Variants in CACNA1C observed in about 807,000 individuals in gnomAD.
CACNA1C encodes voltage-dependent L-type calcium channel subunit alpha-1C.
In CACNA1C, 30 loss-of-function variants were observed where a neutral mutation model predicts 229.0. That is an observed-to-expected ratio of 0.13 (90% CI 0.10 to 0.18). CACNA1C has a LOEUF of 0.18. Among genes scored for constraint, CACNA1C ranks in the 10% least tolerant of loss-of-function variants. The pLI, the probability that CACNA1C is intolerant of heterozygous loss-of-function variation, is 1.00. For missense variants in CACNA1C, 1,658 were observed against 2,845.0 expected (o/e 0.58, Z 9.49); for synonymous variants, 1,114 against 1,132.5 (o/e 0.98, Z 0.33).
intron 8 of CACNA1C, among the ~76,000 whole-genome samples, 177 bp downstream of exon 8, chr12:2,505,122 G>A (rs1682434232): frequency 6.6e-6 from 1 of 152,036 alleles, no homozygotes; most frequent in Non-Finnish European, 1.5e-5. Flanking sequence ...TGTGCCACTG[G>A]TCTTGGTGGT....
At position 2,054,082 on chromosome 12, in the gene CACNA1C, G is replaced by T. The variant is rs2053518061; in HGVS notation, c.49+471G>T. On this transcript the variant is annotated intron_variant, in intron 1 of 46. Coordinates refer to ENST00000399655, the MANE Select transcript of CACNA1C (RefSeq NM_000719.7). This position sits in a 1 kb window ranked among gnomAD's most constrained non-coding sequence, Gnocchi z 5.5. ...TGCGCCGGCAGAGCCCGGCGCCCAC[G>T]GCCGCCCCTGGGGCGCCCTCGCGCT... is the stretch of plus-strand genomic sequence containing the variant. Among the ~76,000 whole-genome samples, 2 of 148,518 alleles carry T rather than the reference G, an allele frequency of 1.3e-5. No homozygotes were observed. Among genetic ancestry groups the T allele is most frequent in the African/African-American group, 4.9e-5 (2 of 41,002 alleles).
intron 3 of CACNA1C, among the ~76,000 whole-genome samples, chr12:2,231,473 C>T (rs1233381248): frequency 1.3e-5 from 2 of 152,132 alleles, no homozygotes; most frequent in Non-Finnish European, 2.9e-5. Context: ...TTTCGTCTTC[C>T]TGCTAACCCT....
At chr12:2,151,589 G>A (rs966491829) in intron 3 of CACNA1C, among the ~76,000 whole-genome samples, 4 of 152,176 alleles carry the variant, frequency 2.6e-5, no homozygotes, top group Admixed American at 6.5e-5. Context: ...GGCTGGGTAC[G>A]TCTCAGAGAA....
chr12:2,595,901 C>G lies in CACNA1C; in HGVS notation c.2691C>G (p.Val897=), dbSNP rs1323209126. 2 of 1,613,734 alleles carry G rather than the reference C, an allele frequency of 1.2e-6. No homozygotes were observed. Among genetic ancestry groups the G allele is most frequent in the Non-Finnish European group, 1.7e-6 (2 of 1,179,814 alleles). ...TTCGCCTCCAGTGCCACCGCATTGT[C>G]AATGACACGATCTTCACCAACCTGA... ...NRFRLQCHRI[V]NDTIFTNLIL... The change falls in exon 20 of 47, where the codon GTC becomes GTG. Residue 897 remains valine (V), a synonymous_variant. Transcript: ENST00000399655. This position sits in a 1 kb window ranked among gnomAD's most constrained non-coding sequence, Gnocchi z 4.1.
intron 3 of CACNA1C, among the ~76,000 whole-genome samples, chr12:2,440,211 A>G (rs1431080228): frequency 6.6e-6 from 1 of 152,184 alleles, no homozygotes; most frequent in Non-Finnish European, 1.5e-5. Flanking sequence ...TTGTGCAACC[A>G]TCACCACCAT....
At chr12:2,227,131 C>T (rs1011964815) in intron 3 of CACNA1C, among the ~76,000 whole-genome samples, 3 of 152,194 alleles carry the variant, frequency 2.0e-5, no homozygotes, top group African/African-American at 4.8e-5. Flanking sequence ...TAGCTATTCC[C>T]CTCCTCTCTG....
At chr12:1,973,334 G>A (rs2154459176) in intron 1 of CACNA1C, among the ~76,000 whole-genome samples, 1 of 152,114 alleles carries the variant, frequency 6.6e-6, no homozygotes, top group South Asian at 2.1e-4. Context: ...TGAACATTTT[G>A]GGGGAAACAG....
At chr12:2,571,518 C>A (rs1004211670) in intron 13 of CACNA1C, among the ~76,000 whole-genome samples, 2 of 152,148 alleles carry the variant, frequency 1.3e-5, no homozygotes, top group Non-Finnish European at 2.9e-5. Context: ...GTTATGACAT[C>A]TTGAAAAGAT....
Position 2,695,309 on chromosome 12 carries a change from T to C in CACNA1C, c.*4110T>C, listed in dbSNP as rs1279697266. 1 of 152,258 alleles carries C rather than the reference T, an allele frequency of 6.6e-6. No homozygotes were observed. Among genetic ancestry groups the C allele is most frequent in the African/African-American group, 2.4e-5 (1 of 41,450 alleles). The allele number at this position is 152,258 out of a possible 1,614,324, so 9.4% of individuals were successfully genotyped here. ...GAGCCGCTGACATCTCAAGGATCTA[T>C]TTGGGAAGGTGAGAAGAGTACTCAT... On this transcript the variant is annotated 3_prime_UTR_variant, in exon 47 of 47. Coordinates refer to ENST00000399655, the MANE Select transcript of CACNA1C (RefSeq NM_000719.7).
intron 5 of CACNA1C, among the ~76,000 whole-genome samples, chr12:2,459,821 G>A (rs1477701704): frequency 6.6e-6 from 1 of 152,150 alleles, no homozygotes; most frequent in African/African-American, 2.4e-5. Context: ...AAGCGAAATG[G>A]ACACAATGAC....
intron 3 of CACNA1C, among the ~76,000 whole-genome samples, chr12:2,283,315 A>T (rs1417517485): frequency 6.6e-6 from 1 of 152,214 alleles, no homozygotes; most frequent in African/African-American, 2.4e-5. Flanking sequence ...AAAGTATCTT[A>T]CCTTTTTCAG....
At position 2,107,846 on chromosome 12, in the gene CACNA1C, A is replaced by T. The variant is rs544607969; in HGVS notation, c.50-7378A>T. Among the ~76,000 whole-genome samples, 5 of 152,208 alleles carry T rather than the reference A, an allele frequency of 3.3e-5. No homozygotes were observed. In the South Asian group the frequency reaches 8.3e-4, roughly 25 times the overall value. ...TTTTGAATTCAGTGCTCTGCTCGTTATCTTCCCCACTTCTCACATTTCTTT... is the reference window on the plus strand; with the variant it reads ...TTTTGAATTCAGTGCTCTGCTCGTTTTCTTCCCCACTTCTCACATTTCTTT... On this transcript the variant is annotated intron_variant, in intron 1 of 46. Transcript: ENST00000399655.
chr12:2,233,760 C>T (rs1232081084), intron 3 of CACNA1C, among the ~76,000 whole-genome samples: 2 of 152,204 alleles, frequency 1.3e-5, no homozygotes, highest in Admixed American at 6.5e-5. Flanking sequence ...AACCAATACT[C>T]TCTGGTCAGT....
rs1555115765 is a variant in CACNA1C, at chr12:2,071,172, C to CCCTCCCTTCCTT, written c.49+17564_49+17565insCCCTTCCTTCCT. Reference sequence around the variant, plus strand: ...TCCCTCCCTCCCTCCCTCCCTCCCTCCCTGCCTGCCTGCCTGCCTGCCTGC... The same window carrying CCCTCCCTTCCTT: ...TCCCTCCCTCCCTCCCTCCCTCCCTCCCTCCCTTCCTTCCTGCCTGCCTGCCTGCCTGCCTGC... On this transcript the variant is annotated intron_variant, in intron 1 of 46. Transcript: ENST00000399655. Among the ~76,000 whole-genome samples, 32 of 16,040 alleles carry CCCTCCCTTCCTT rather than the reference C, an allele frequency of 2.0e-3. 3 individuals are homozygous for CCCTCCCTTCCTT. The highest frequency in any genetic ancestry group is 0.012 in the African/African-American group (31 of 2,578). The allele number at this position is 16,040 out of a possible 152,430, so 10.5% of individuals were successfully genotyped here.
At chr12:2,682,911 CAT>C (rs2097247521) in intron 43 of CACNA1C, among the ~76,000 whole-genome samples, 1 of 46,964 alleles carries the variant, frequency 2.1e-5, no homozygotes, top group African/African-American at 8.0e-5. Context: ...ACAACACACA[CAT>C]ACACGATGCC....
intron 3 of CACNA1C, among the ~76,000 whole-genome samples, chr12:2,145,680 T>C (rs898522868): frequency 6.6e-6 from 1 of 151,280 alleles, no homozygotes; most frequent in Non-Finnish European, 1.5e-5. Flanking sequence ...TCCGTGGGCT[T>C]GTGAGGAAAA....
intron 1 of CACNA1C, chr12:1,993,163 C>T (rs2039900329): frequency 1.3e-6 from 2 of 1,502,602 alleles, no homozygotes; most frequent in Admixed American, 1.7e-5. Flanking sequence ...CCCCCATAGC[C>T]ACTGATACCA....
At chr12:2,459,582 G>T (rs984450569) in intron 5 of CACNA1C, among the ~76,000 whole-genome samples, 1 of 152,172 alleles carries the variant, frequency 6.6e-6, no homozygotes, top group Non-Finnish European at 1.5e-5. Context: ...TTAACTGTCT[G>T]GGGGTACTTA....
intron 4 of CACNA1C, among the ~76,000 whole-genome samples, chr12:2,449,481 C>A (rs1002438431): frequency 1.3e-5 from 2 of 152,176 alleles, no homozygotes; most frequent in Non-Finnish European, 2.9e-5. Context: ...TCTGGGGACC[C>A]CTCCCCACCT....
Sources: allele counts gnomAD v4.1 joint callset (sites outside exome capture counted in the v4.1 genomes callset), GRCh38; gene constraint gnomAD v4.1.1; non-coding constraint Gnocchi (gnomAD v3.1); transcripts MANE v1.5; gene names NCBI Gene and HGNC (gene_info 2026-07-23, HGNC 2026-07-21).